TSHZ2: variants seen among roughly 807,000 people sequenced by gnomAD.
TSHZ2 encodes teashirt homolog 2.
A neutral mutation model predicts 74.4 loss-of-function variants in TSHZ2; 21 were observed. The observed-to-expected ratio is 0.28, with a 90% CI of 0.20 to 0.41. TSHZ2 has a LOEUF of 0.41. TSHZ2 is among the 10% of genes least tolerant of loss of function. The pLI is 1.00. For synonymous variants in TSHZ2, 540 were observed against 515.3 expected (o/e 1.05, Z -0.65); for missense variants, 1,244 against 1,293.5 (o/e 0.96, Z 0.59).
intron 2 of TSHZ2, among the ~76,000 whole-genome samples, chr20:53,382,056 G>C (rs1981878647): frequency 6.6e-6 from 1 of 152,244 alleles, no homozygotes; most frequent in East Asian, 1.9e-4. Context: ...GGAGCTCTGA[G>C]GGCTTCCCAG....
At chr20:53,229,798 GAGGA>G (rs567209973) in intron 1 of TSHZ2, among the ~76,000 whole-genome samples, 16 of 148,968 alleles carry the variant, frequency 1.1e-4, no homozygotes, top group African/African-American at 3.2e-4. Context: ...GGGAGGGAGG[GAGGA>G]AGGAAGGAAG....
At chr20:53,157,737 T>C (rs1987830710) in intron 1 of TSHZ2, among the ~76,000 whole-genome samples, 1 of 152,250 alleles carries the variant, frequency 6.6e-6, no homozygotes, top group Non-Finnish European at 1.5e-5. Flanking sequence ...GATTTACTTC[T>C]GCTTTTAGAG....
At chr20:53,484,273 G>A (rs1986233198) in intron 2 of TSHZ2, among the ~76,000 whole-genome samples, 1 of 152,090 alleles carries the variant, frequency 6.6e-6, no homozygotes, top group Non-Finnish European at 1.5e-5. Flanking sequence ...GTAGGGTGGT[G>A]CCTGTCATGA....
At chr20:53,328,887 T>C (rs1253774459) in intron 2 of TSHZ2, among the ~76,000 whole-genome samples, 1 of 152,204 alleles carries the variant, frequency 6.6e-6, no homozygotes, top group Non-Finnish European at 1.5e-5. Context: ...CTGGCCTGCT[T>C]GATAGATACT....
intron 2 of TSHZ2, chr20:53,397,799 A>G (rs540195755): frequency 5.3e-5 from 8 of 152,380 alleles, no homozygotes; most frequent in African/African-American, 1.9e-4. Flanking sequence ...CGTAGCCATA[A>G]AAAAGGATGA....
Position 53,255,981 on chromosome 20 carries a change from A to G in TSHZ2, c.2523A>G (p.Arg841=). Residue 841 remains arginine (R), a synonymous_variant, in exon 2 of 3, where the codon AGA becomes AGG. Coordinates refer to ENST00000371497, the MANE Select transcript of TSHZ2 (RefSeq NM_173485.6). The surrounding 1 kb of genome is among the most constrained non-coding windows in gnomAD (Gnocchi z 4.1). ...VSSEVSTLHK[R]KGRQSNWNPQ... Reference sequence around the variant, plus strand: ...GTGAAGTCTCAACTTTGCATAAAAGAAAAGGCCGGCAGTCCAACTGGAATC... The same window carrying G: ...GTGAAGTCTCAACTTTGCATAAAAGGAAAGGCCGGCAGTCCAACTGGAATC... 6.2e-7 allele frequency: 1 copy of G among 1,613,800 alleles called. No individual in the cohort carries two copies. The highest frequency in any genetic ancestry group is 1.1e-5 in the South Asian group (1 of 91,040).
At chr20:53,469,899 G>GAGGA (rs747268726) in intron 2 of TSHZ2, among the ~76,000 whole-genome samples, 1,281 of 88,388 alleles carry the variant, frequency 0.014, 144 homozygotes, top group African/African-American at 0.048. Flanking sequence ...GAGAGGAAAG[G>GAGGA]AGGAAGGAAG....
intron 2 of TSHZ2, among the ~76,000 whole-genome samples, chr20:53,468,848 G>A (rs1274045740): frequency 1.3e-5 from 2 of 150,536 alleles, no homozygotes; most frequent in East Asian, 3.9e-4. Context: ...GGATTTTCCA[G>A]TGTGTCAATT....
chr20:53,077,108 A>G (rs182533382), intron 1 of TSHZ2, among the ~76,000 whole-genome samples: 1 of 152,158 alleles, frequency 6.6e-6, no homozygotes, highest in African/African-American at 2.4e-5. Flanking sequence ...AGCAGAGATG[A>G]GAGGTAAAGA....
At chr20:53,159,327 T>C (rs1028381114) in intron 1 of TSHZ2, among the ~76,000 whole-genome samples, 1 of 152,180 alleles carries the variant, frequency 6.6e-6, no homozygotes, top group Non-Finnish European at 1.5e-5. Context: ...CCAACATCTG[T>C]TTTTGGAAAT....
intron 1 of TSHZ2, among the ~76,000 whole-genome samples, chr20:53,008,980 CCTCT>C (rs55692015): frequency 0.025 from 3,275 of 130,218 alleles, 68 homozygotes; most frequent in African/African-American, 0.054. Flanking sequence ...TTGTCTTTCT[CCTCT>C]CTCTCTCTCT....
At chr20:53,353,238 T>G (rs1431673902) in intron 2 of TSHZ2, among the ~76,000 whole-genome samples, 1 of 152,166 alleles carries the variant, frequency 6.6e-6, no homozygotes, top group East Asian at 1.9e-4. Context: ...TGTGACTGCA[T>G]AGCAAACACC....
chr20:53,032,816 A>G (rs1983687094), intron 1 of TSHZ2, among the ~76,000 whole-genome samples: 1 of 151,526 alleles, frequency 6.6e-6, no homozygotes, highest in Non-Finnish European at 1.5e-5. Context: ...TGAGTGTGGG[A>G]GTAAGAATGC....
chr20:53,265,926 A>G (rs896375777), intron 2 of TSHZ2, among the ~76,000 whole-genome samples: 8 of 151,722 alleles, frequency 5.3e-5, no homozygotes, highest in African/African-American at 1.9e-4. Context: ...CTTTCTTTTT[A>G]CCAATATTTG....
chr20:53,320,922 G>T (rs532317885), intron 2 of TSHZ2, among the ~76,000 whole-genome samples: 1 of 152,260 alleles, frequency 6.6e-6, no homozygotes, highest in East Asian at 1.9e-4. Context: ...TCATCAAGAA[G>T]CAATTAGCTG....
At chr20:53,265,214 C>T (rs906983476) in intron 2 of TSHZ2, among the ~76,000 whole-genome samples, 1 of 152,154 alleles carries the variant, frequency 6.6e-6, no homozygotes, top group African/African-American at 2.4e-5. Flanking sequence ...AGCTAACAGA[C>T]TTCACATATC....
At chr20:53,477,534 G>A (rs1218818554) in intron 2 of TSHZ2, among the ~76,000 whole-genome samples, 1 of 117,024 alleles carries the variant, frequency 8.5e-6, no homozygotes, top group Admixed American at 9.2e-5. Flanking sequence ...AGACTTAAAC[G>A]TTAGACCTAA....
Position 53,254,171 on chromosome 20 carries a change from G to C in TSHZ2, c.713G>C (p.Gly238Ala), listed in dbSNP as rs1308404867. 1 of 1,614,086 alleles carries C rather than the reference G, an allele frequency of 6.2e-7. No homozygotes were observed. Among genetic ancestry groups the C allele is most frequent in the Admixed American group, 1.7e-5 (1 of 60,010 alleles). ...VELTVHMNET[G>A]HYQDDNRKKD... ...CTGACTGTGCACATGAATGAAACGG[G>C]CCACTATCAAGATGACAACCGCAAA... Residue 238 changes from glycine (G) to alanine (A), a missense_variant, in exon 2 of 3, where the codon GGC becomes GCC. This residue lies in a region of TSHZ2 where 470 missense variants were observed against 456.5 expected (regional missense o/e 1.03). Coordinates refer to ENST00000371497, the MANE Select transcript of TSHZ2 (RefSeq NM_173485.6).
At chr20:52,995,228 C>T (rs1600635929) in intron 1 of TSHZ2, among the ~76,000 whole-genome samples, 1 of 152,186 alleles carries the variant, frequency 6.6e-6, no homozygotes, top group Non-Finnish European at 1.5e-5. Context: ...GGGTAAGCTC[C>T]ATCTTTGATG....
Sources: allele counts gnomAD v4.1 joint callset (sites outside exome capture counted in the v4.1 genomes callset), GRCh38; gene constraint gnomAD v4.1.1; regional missense constraint gnomAD v4.1.1; non-coding constraint Gnocchi (gnomAD v3.1); transcripts MANE v1.5; gene names NCBI Gene and HGNC (gene_info 2026-07-23, HGNC 2026-07-21).